RNF150: variants seen among roughly 807,000 people sequenced by gnomAD.
RNF150 encodes the protein ring finger protein 150.
RNF150 carries 24 observed loss-of-function variants against 39.3 expected under a neutral mutation model. The ratio of observed to expected loss-of-function variants is 0.61; its 90% CI spans 0.44 to 0.86. The LOEUF (loss-of-function observed/expected upper bound fraction) is 0.86. Among genes scored for constraint, RNF150 ranks in the 40% least tolerant of loss-of-function variants. The pLI is 0.00. For synonymous variants in RNF150, 255 were observed against 227.3 expected (o/e 1.12, Z -1.10); for missense variants, 502 against 587.8 (o/e 0.85, Z 1.51).
intron 1 of RNF150, among the ~76,000 whole-genome samples, chr4:141,198,296 G>A (rs1030896990): frequency 5.3e-5 from 8 of 152,028 alleles, no homozygotes; most frequent in Admixed American, 3.9e-4. Flanking sequence ...CAAAGTGCAG[G>A]GATTACAGCC....
intron 2 of RNF150, among the ~76,000 whole-genome samples, chr4:140,965,747 G>A (rs187693177): frequency 2.6e-5 from 4 of 152,058 alleles, no homozygotes; most frequent in Admixed American, 6.6e-5. Context: ...AGCGGTTACC[G>A]GAGTGGGGGA....
chr4:141,012,295 G>A (rs1212358029), intron 1 of RNF150, among the ~76,000 whole-genome samples: 2 of 152,164 alleles, frequency 1.3e-5, no homozygotes, highest in East Asian at 3.9e-4. Context: ...TGACCGGGCT[G>A]GGTTACAATA....
At chr4:141,134,810 A>G (rs1405290164), upstream of RNF150, among the ~76,000 whole-genome samples, 2 of 152,228 alleles carry the variant, frequency 1.3e-5, no homozygotes, top group African/African-American at 4.8e-5. Flanking sequence ...TTCCTGAACC[A>G]CCAGAGATCT....
At chr4:140,904,518 A>G (rs914153165) in intron 6 of RNF150, among the ~76,000 whole-genome samples, 3 of 152,212 alleles carry the variant, frequency 2.0e-5, no homozygotes, top group Non-Finnish European at 4.4e-5. Flanking sequence ...CTTTAATGCA[A>G]ATCAAAAAAG....
intron 4 of RNF150, among the ~76,000 whole-genome samples, chr4:140,930,868 T>C (rs890186): frequency 0.98 from 149,635 of 152,320 alleles, 73,562 homozygotes; most frequent in East Asian, 1. Flanking sequence ...CCCTGCCCTT[T>C]AAGGCAGCAT....
At chr4:140,895,927 C>T (rs575772000) in intron 6 of RNF150, among the ~76,000 whole-genome samples, 8 of 149,698 alleles carry the variant, frequency 5.3e-5, no homozygotes, top group African/African-American at 1.8e-4. Flanking sequence ...CCAAAAAACA[C>T]ATGAAGAAAT....
chr4:140,895,020 T>C (rs1729888863), intron 6 of RNF150, among the ~76,000 whole-genome samples: 1 of 152,114 alleles, frequency 6.6e-6, no homozygotes, highest in Non-Finnish European at 1.5e-5. Flanking sequence ...TCTGCAAGCC[T>C]GGCAAAAAGA....
chr4:141,110,540 G>A (rs901870433), intron 1 of RNF150, among the ~76,000 whole-genome samples: 4 of 143,802 alleles, frequency 2.8e-5, no homozygotes, highest in Non-Finnish European at 5.9e-5. Flanking sequence ...ATCTTCCCAC[G>A]TAGCTTGGGA....
chr4:141,122,487 C>T lies in RNF150; in HGVS notation c.484+9838G>A, dbSNP rs192259785. ...GCAAACATCTGAAGACTTCATCATA[C>T]GGGCTATTATAAAAGAAACGATAAC... is the stretch of plus-strand genomic sequence containing the variant. On this transcript the variant is annotated intron_variant, in intron 1 of 6. Transcript: ENST00000515673. 6.6e-5 allele frequency among the ~76,000 whole-genome samples: 10 copies of T among 152,302 alleles called. No individual in the cohort carries two copies. The East Asian group carries it at 7.7e-4, about 12-fold the overall frequency.
intron 1 of RNF150, among the ~76,000 whole-genome samples, chr4:141,187,102 T>G (rs1728025666): frequency 6.6e-6 from 1 of 152,184 alleles, no homozygotes; most frequent in East Asian, 1.9e-4. Flanking sequence ...TGCCTTAAAT[T>G]TGTTATTTAC....
At chr4:141,015,783 G>T (rs1470873567) in intron 1 of RNF150, among the ~76,000 whole-genome samples, 1 of 152,108 alleles carries the variant, frequency 6.6e-6, no homozygotes, top group Non-Finnish European at 1.5e-5. Flanking sequence ...ATATTAGAAG[G>T]ATGACATGGT....
chr4:141,183,637 C>T (rs1285323599), intron 1 of RNF150, among the ~76,000 whole-genome samples: 1 of 152,006 alleles, frequency 6.6e-6, no homozygotes, highest in Non-Finnish European at 1.5e-5. Flanking sequence ...TTAAGCCCCA[C>T]ATGCATTAGG....
At chr4:141,048,647 C>A (rs1188839772) in intron 1 of RNF150, among the ~76,000 whole-genome samples, 1 of 152,078 alleles carries the variant, frequency 6.6e-6, no homozygotes, top group Admixed American at 6.5e-5. Context: ...GCAGGAGGAT[C>A]CCTTGAGCCC....
chr4:140,914,986 A>G (rs1730757641), intron 5 of RNF150, among the ~76,000 whole-genome samples: 1 of 152,250 alleles, frequency 6.6e-6, no homozygotes, highest in South Asian at 2.1e-4. Context: ...AATATGCCAC[A>G]TGTATTTGAA....
chr4:140,870,507 T>C (rs1728888340), intron 6 of RNF150, among the ~76,000 whole-genome samples: 1 of 152,086 alleles, frequency 6.6e-6, no homozygotes, highest in Admixed American at 6.5e-5. Flanking sequence ...ATTTATCTTC[T>C]CCAGAGCCAC....
At chr4:141,173,599 G>T (rs1417577182) in intron 1 of RNF150, among the ~76,000 whole-genome samples, 1 of 152,106 alleles carries the variant, frequency 6.6e-6, no homozygotes, top group Admixed American at 6.5e-5. Context: ...TTGCCCTCTT[G>T]CACCTCTGCC....
At chr4:140,999,985 A>AGAGGAGG (rs374509935) in intron 1 of RNF150, among the ~76,000 whole-genome samples, 1 of 38,952 alleles carries the variant, frequency 2.6e-5, no homozygotes, top group Non-Finnish European at 5.7e-5. Flanking sequence ...GAAAAGAAGA[A>AGAGGAGG]AAGAAGAAAA....
At chr4:141,062,375 ATATATG>A (rs1430755386) in intron 1 of RNF150, among the ~76,000 whole-genome samples, 4 of 152,128 alleles carry the variant, frequency 2.6e-5, no homozygotes, top group African/African-American at 9.7e-5. Context: ...GTATGTGTAT[ATATATG>A]TATGTCTACA....
chr4:141,011,108 C>T (rs1450158528), intron 1 of RNF150, among the ~76,000 whole-genome samples: 3 of 151,640 alleles, frequency 2.0e-5, no homozygotes, highest in Non-Finnish European at 4.4e-5. Flanking sequence ...ACTCTCTTCT[C>T]AATAATGAAA....
Sources: allele counts gnomAD v4.1 joint callset (sites outside exome capture counted in the v4.1 genomes callset), GRCh38; gene constraint gnomAD v4.1.1; transcripts MANE v1.5; gene names NCBI Gene and HGNC (gene_info 2026-07-23, HGNC 2026-07-21).